ANKRD26: variants seen among roughly 807,000 people sequenced by gnomAD.
ANKRD26 encodes ankyrin repeat domain-containing protein 26.
Under a neutral mutation model 208.7 loss-of-function variants are expected in ANKRD26, and 141 were observed. That is an observed-to-expected ratio of 0.68 (90% CI 0.59 to 0.78). ANKRD26 has a LOEUF of 0.78. Among genes scored for constraint, ANKRD26 ranks in the 30% least tolerant of loss-of-function variants. The pLI is 0.00. For synonymous variants in ANKRD26, 636 were observed against 660.4 expected (o/e 0.96, Z 0.57); for missense variants, 1,889 against 1,938.7 (o/e 0.97, Z 0.48).
Position 27,086,570 on chromosome 10 carries a change from T to A in ANKRD26, c.678A>T (p.Ile226=), listed in dbSNP as rs143421550. 7.5e-5 allele frequency: 121 copies of A among 1,605,672 alleles called. No individual in the cohort carries two copies. In the East Asian group the frequency reaches 2.2e-3, roughly 29 times the overall value. ...QLISEYKEER[I]PKHSSQNSNS... ...TACTATTTTGAGAAGAATGTTTAGG[T>A]ATCCTTTCTTCTTTATATTCTGAAA... is the stretch of plus-strand genomic sequence containing the variant. Residue 226 remains isoleucine (I), a synonymous_variant, in exon 5 of 34, where the codon ATA becomes ATT. Coordinates refer to ENST00000376087, the MANE Select transcript of ANKRD26 (RefSeq NM_014915.3).
chr10:26,989,202 C>T (rs2052443522), downstream of ANKRD26, among the ~76,000 whole-genome samples: 1 of 151,974 alleles, frequency 6.6e-6, no homozygotes, highest in Non-Finnish European at 1.5e-5. Context: ...AGCAAATGTT[C>T]CCCTTTTAGG....
At chr10:27,059,225 T>C (rs560781206) in intron 15 of ANKRD26, among the ~76,000 whole-genome samples, 1 of 152,312 alleles carries the variant, frequency 6.6e-6, no homozygotes, top group South Asian at 2.1e-4. Flanking sequence ...GATTTTTATG[T>C]TTATTATTGT....
At chr10:27,044,108 T>C (rs1387348161) in intron 19 of ANKRD26, 49 bp downstream of exon 19, 2 of 1,260,446 alleles carry the variant, frequency 1.6e-6, no homozygotes, top group Admixed American at 2.5e-5. Flanking sequence ...TTATCTTTTA[T>C]AATGTATTTT....
chr10:27,040,769 C>A (rs2054208431), intron 20 of ANKRD26, among the ~76,000 whole-genome samples: 1 of 152,122 alleles, frequency 6.6e-6, no homozygotes, highest in African/African-American at 2.4e-5. Flanking sequence ...GTGGGTCACA[C>A]CTGTAATCCC....
chr10:27,044,336 A>G (rs1260756267), intron 18 of ANKRD26, 146 bp from the exon 19 acceptor site: 1 of 713,782 alleles, frequency 1.4e-6, no homozygotes, highest in Non-Finnish European at 2.0e-6. Flanking sequence ...TTTTACAGGT[A>G]ATATAAAAGA....
At chr10:27,048,778 T>C in intron 17 of ANKRD26, 23 bp downstream of exon 17, 1 of 1,598,476 alleles carries the variant, frequency 6.3e-7, no homozygotes, top group Non-Finnish European at 8.6e-7. Flanking sequence ...AATTATCTGC[T>C]GTTAAATATG....
intron 4 of ANKRD26, among the ~76,000 whole-genome samples, chr10:27,090,964 C>T (rs35175128): frequency 0.13 from 19,866 of 152,050 alleles, 1,427 homozygotes; most frequent in East Asian, 0.29. Flanking sequence ...GATGTGGTGG[C>T]ACATGCCTGT....
intron 9 of ANKRD26, among the ~76,000 whole-genome samples, chr10:27,074,691 AAAG>A (rs1377150215): frequency 6.6e-6 from 1 of 152,132 alleles, no homozygotes; most frequent in Non-Finnish European, 1.5e-5. Flanking sequence ...GAAAAGAAAA[AAAG>A]TAGTGGGAAG....
chr10:27,093,849 C>A (rs769220154), intron 1 of ANKRD26, 50 bp from the exon 2 acceptor site: 2 of 1,331,346 alleles, frequency 1.5e-6, no homozygotes, highest in South Asian at 2.4e-5. Context: ...TGTCTCAAAA[C>A]ATACAATGGT....
chr10:27,051,022 A>AG, intron 16 of ANKRD26: 1 of 1,190,556 alleles, frequency 8.4e-7, no homozygotes, highest in Non-Finnish European at 1.1e-6. Context: ...TAATTGATAG[A>AG]GAAAAAAACA....
chr10:26,984,689 T>G (rs1019984336), intron 3 of ANKRD26, among the ~76,000 whole-genome samples: 3 of 152,116 alleles, frequency 2.0e-5, no homozygotes, highest in Non-Finnish European at 4.4e-5. Flanking sequence ...TGGAGAAAAG[T>G]TGGGTCGGTT....
chr10:27,081,106 A>T (rs939223666), intron 6 of ANKRD26, among the ~76,000 whole-genome samples: 1 of 152,208 alleles, frequency 6.6e-6, no homozygotes, highest in African/African-American at 2.4e-5. Flanking sequence ...AAATTATTTT[A>T]ACATTTTTCA....
chr10:27,099,903 GT>G, intron 1 of ANKRD26, among the ~76,000 whole-genome samples, 181 bp downstream of exon 1: 1 of 152,250 alleles, frequency 6.6e-6, no homozygotes, highest in African/African-American at 2.4e-5. Flanking sequence ...CTAGAGTTCT[GT>G]TTTTGTTTTT....
chr10:26,963,717 C>T, the ANKRD26 span, among the ~76,000 whole-genome samples: 737 of 152,072 alleles, frequency 4.8e-3, 7 homozygotes, highest in African/African-American at 0.017. Flanking sequence ...TATAACAGGG[C>T]ATAGTGTTTG....
intron 18 of ANKRD26, among the ~76,000 whole-genome samples, chr10:27,045,745 T>G (rs7097009): frequency 0.52 from 78,254 of 151,920 alleles, 22,458 homozygotes; most frequent in Non-Finnish European, 0.65. Flanking sequence ...TATGTTTGCA[T>G]GTTTATTATT....
intron 9 of ANKRD26, chr10:27,077,101 A>G (rs2055726436): frequency 1.9e-6 from 1 of 538,944 alleles, no homozygotes; most frequent in African/African-American, 1.9e-5. Context: ...AATCCTCAAG[A>G]AAATACTAGC....
chr10:26,967,582 C>T, the ANKRD26 span, among the ~76,000 whole-genome samples: 1 of 152,148 alleles, frequency 6.6e-6, no homozygotes, highest in Non-Finnish European at 1.5e-5. Context: ...GTTTCTAAAT[C>T]ATACTCCACA....
Position 27,036,303 on chromosome 10 carries a change from T to C in ANKRD26, c.2698-551A>G, listed in dbSNP as rs913264821. 2.0e-5 allele frequency among the ~76,000 whole-genome samples: 3 copies of C among 151,876 alleles called. No homozygotes were observed. The South Asian group carries it at 6.2e-4, about 31-fold the overall frequency. ...GCATTGTACTAAGCACTTCTACATA[T>C]ATCAATGAACTCATTTAGTATCACA... On this transcript the variant is annotated intron_variant, in intron 23 of 33. Coordinates refer to ENST00000376087, the MANE Select transcript of ANKRD26 (RefSeq NM_014915.3).
the ANKRD26 span, among the ~76,000 whole-genome samples, chr10:26,953,049 C>T: frequency 1.3e-5 from 2 of 152,142 alleles, no homozygotes; most frequent in African/African-American, 4.8e-5. Flanking sequence ...ATTGATTATA[C>T]CGTTTAAAAC....
Sources: allele counts gnomAD v4.1 joint callset (sites outside exome capture counted in the v4.1 genomes callset), GRCh38; gene constraint gnomAD v4.1.1; transcripts MANE v1.5; gene names NCBI Gene and HGNC (gene_info 2026-07-23, HGNC 2026-07-21).